WDPCP: variants seen among roughly 807,000 people sequenced by gnomAD.
WDPCP encodes the protein WD repeat-containing and planar cell polarity effector protein fritz homolog.
Under a neutral mutation model 93.1 loss-of-function variants are expected in WDPCP, and 71 were observed. The ratio of observed to expected loss-of-function variants is 0.76; its 90% CI spans 0.63 to 0.93. WDPCP has a LOEUF of 0.93. Ranked by LOEUF, WDPCP falls within the 40% of genes least tolerant of loss-of-function variation. The pLI is 0.00. For missense variants in WDPCP, 844 were observed against 887.4 expected (o/e 0.95, Z 0.62); for synonymous variants, 315 against 315.0 (o/e 1.00, Z 0.00).
intron 2 of WDPCP, among the ~76,000 whole-genome samples, chr2:63,783,248 C>CAA (rs555079464): frequency 2.1e-5 from 3 of 140,370 alleles, no homozygotes; most frequent in African/African-American, 2.6e-5. Flanking sequence ...TCTGTCTCTA[C>CAA]AAAAAAAAAA....
At chr2:63,256,575 TC>T (rs76440113) in intron 14 of WDPCP, among the ~76,000 whole-genome samples, 31,048 of 152,042 alleles carry the variant, frequency 0.2, 4,510 homozygotes, top group East Asian at 0.51. Context: ...TCACAGGAGT[TC>T]AACTTCTAAG....
rs1256676418 is a variant in WDPCP, at chr2:63,629,367, T to C, written n.488+21292A>G. Reference sequence around the variant, plus strand: ...CATCATAACCCCACCACTGGGGAAGTATCAGAGAAGGCCAAGTAGAATTCT... The same window carrying C: ...CATCATAACCCCACCACTGGGGAAGCATCAGAGAAGGCCAAGTAGAATTCT... On this transcript the variant is annotated intron_variant and non_coding_transcript_variant, in intron 3 of 4. Transcript: ENST00000467687. 3.3e-5 allele frequency among the ~76,000 whole-genome samples: 5 copies of C among 152,212 alleles called. No individual in the cohort carries two copies. In the East Asian group the frequency reaches 9.6e-4, roughly 29 times the overall value.
intron 10 of WDPCP, among the ~76,000 whole-genome samples, chr2:63,394,566 T>A (rs1693555776): frequency 6.6e-6 from 1 of 152,176 alleles, no homozygotes; most frequent in South Asian, 2.1e-4. Context: ...TAAATTGTTC[T>A]ACTATAAAGA....
rs555899362 is a variant in WDPCP, at chr2:63,517,180, G to A, written c.76-24240C>T. On this transcript the variant is annotated intron_variant, in intron 1 of 17. Transcript: ENST00000272321. ...TCAATAGCTTTCTGACTAGACTCCC[G>A]TTTTGACTTTTGAGTACCTATAATC... is the stretch of plus-strand genomic sequence containing the variant. 1.8e-4 allele frequency among the ~76,000 whole-genome samples: 28 copies of A among 151,864 alleles called. 1 individual carries two copies. Among genetic ancestry groups the A allele is most frequent in the South Asian group, 8.3e-4 (4 of 4,796 alleles).
chr2:63,709,739 T>G (rs1429059065), intron 2 of WDPCP, among the ~76,000 whole-genome samples: 1 of 152,236 alleles, frequency 6.6e-6, no homozygotes, highest in Admixed American at 6.5e-5. Flanking sequence ...TACCTTGGGA[T>G]GTATGCTTCT....
intron 1 of WDPCP, among the ~76,000 whole-genome samples, chr2:63,822,853 AATAT>A (rs1307791975): frequency 6.6e-6 from 1 of 150,482 alleles, no homozygotes; most frequent in East Asian, 1.9e-4. Context: ...CTTGTCTCTA[AATAT>A]ATATATATAT....
chr2:63,124,557 C>T (rs1233034953), intron 17 of WDPCP, among the ~76,000 whole-genome samples: 4 of 152,090 alleles, frequency 2.6e-5, no homozygotes, highest in Admixed American at 1.3e-4. Flanking sequence ...TTGCTATAAA[C>T]TGGATTTTGA....
At chr2:63,333,037 A>G (rs1400331623) in intron 12 of WDPCP, among the ~76,000 whole-genome samples, 1 of 152,180 alleles carries the variant, frequency 6.6e-6, no homozygotes, top group East Asian at 1.9e-4. Flanking sequence ...TACATTTTAT[A>G]TTGGTATGAG....
chr2:63,251,007 C>G (rs1414975938), intron 14 of WDPCP, among the ~76,000 whole-genome samples: 1 of 151,998 alleles, frequency 6.6e-6, no homozygotes, highest in African/African-American at 2.4e-5. Context: ...TAAACGCCTG[C>G]ACCAAAAAGT....
At chr2:63,369,368 G>A in intron 12 of WDPCP, 1 of 455,954 alleles carries the variant, frequency 2.2e-6, no homozygotes, top group South Asian at 1.6e-5. Context: ...TGGAGTTTGA[G>A]GTCAACAACT....
At chr2:63,784,262 A>C (rs1670438087) in intron 2 of WDPCP, among the ~76,000 whole-genome samples, 1 of 152,152 alleles carries the variant, frequency 6.6e-6, no homozygotes, top group African/African-American at 2.4e-5. Flanking sequence ...GTCCCAGGAA[A>C]GGACCTCTGA....
intron 2 of WDPCP, among the ~76,000 whole-genome samples, chr2:63,748,764 G>T (rs1669835574): frequency 6.6e-6 from 1 of 151,998 alleles, no homozygotes; most frequent in South Asian, 2.1e-4. Context: ...ATCACTCATG[G>T]TGCTTTTGTT....
chr2:63,248,556 T>C (rs1439117939), intron 14 of WDPCP, among the ~76,000 whole-genome samples: 1 of 152,168 alleles, frequency 6.6e-6, no homozygotes, highest in Admixed American at 6.5e-5. Flanking sequence ...GATTTGTGGA[T>C]CCATGTATTT....
At chr2:63,687,512 A>C (rs1668824832) in intron 2 of WDPCP, among the ~76,000 whole-genome samples, 1 of 152,238 alleles carries the variant, frequency 6.6e-6, no homozygotes, top group South Asian at 2.1e-4. Context: ...CCATCAAAGA[A>C]AATGGGCAAA....
rs569549472 is a variant in WDPCP at position 63,366,503 on chromosome 2, A to AGCACT, written c.1748+11878_1748+11882dup. Among the ~76,000 whole-genome samples the AGCACT allele has an allele frequency of 2.1e-3, 257 of 124,812 alleles. 2 individuals carry two copies. The highest frequency in any genetic ancestry group is 7.9e-3 in the African/African-American group (240 of 30,476). The allele number at this position is 124,812 out of a possible 152,430, so 81.9% of individuals were successfully genotyped here. A position where few individuals can be genotyped will look rare whatever the true frequency, so the allele number is the denominator to read the frequency against. ...TACAACACTGTCATCAATAATAGTT[A>AGCACT]GCACTCATTGTGCCCTTATTATCTA... On this transcript the variant is annotated intron_variant, in intron 12 of 17. Coordinates refer to ENST00000272321, the MANE Select transcript of WDPCP (RefSeq NM_015910.7).
chr2:63,439,271 G>A (rs1054669801), intron 7 of WDPCP, among the ~76,000 whole-genome samples: 5 of 152,068 alleles, frequency 3.3e-5, no homozygotes, highest in African/African-American at 9.7e-5. Context: ...TGACTGTCCA[G>A]TATATTAGGC....
chr2:63,577,772 CACAA>C (rs1708214721), intron 1 of WDPCP, among the ~76,000 whole-genome samples: 1 of 152,094 alleles, frequency 6.6e-6, no homozygotes, highest in South Asian at 2.1e-4. Flanking sequence ...GAACAGCAAA[CACAA>C]ACAGTCCTAA....
intron 14 of WDPCP, among the ~76,000 whole-genome samples, chr2:63,218,846 G>T (rs775494227): frequency 1.3e-5 from 2 of 151,936 alleles, no homozygotes; most frequent in Non-Finnish European, 2.9e-5. Flanking sequence ...AATACAGATT[G>T]TTCTATAGTT....
At chr2:63,291,260 T>C (rs982267847) in intron 13 of WDPCP, among the ~76,000 whole-genome samples, 3 of 152,232 alleles carry the variant, frequency 2.0e-5, no homozygotes, top group African/African-American at 7.2e-5. Flanking sequence ...ATCATTATGT[T>C]CATCATTTCC....
Sources: allele counts gnomAD v4.1 joint callset (sites outside exome capture counted in the v4.1 genomes callset), GRCh38; gene constraint gnomAD v4.1.1; transcripts MANE v1.5; gene names NCBI Gene and HGNC (gene_info 2026-07-23, HGNC 2026-07-21).